Variants in AFF4 observed in about 807,000 individuals in gnomAD.
AFF4 encodes ALF transcription elongation factor 4.
AFF4 carries 13 observed loss-of-function variants against 124.8 expected under a neutral mutation model. The ratio of observed to expected loss-of-function variants is 0.10; its 90% CI spans 0.07 to 0.17. AFF4 has a LOEUF of 0.17. Among genes scored for constraint, AFF4 ranks in the 10% least tolerant of loss-of-function variants. The pLI is 1.00. For synonymous variants in AFF4, 477 were observed against 496.1 expected (o/e 0.96, Z 0.51); for missense variants, 1,092 against 1,403.8 (o/e 0.78, Z 3.55).
At chr5:132,885,518 A>G (rs1343431503) in intron 18 of AFF4, among the ~76,000 whole-genome samples, 4 of 151,900 alleles carry the variant, frequency 2.6e-5, no homozygotes, top group Non-Finnish European at 4.4e-5. Flanking sequence ...CATACTATGC[A>G]CAAAGGCTGC....
At chr5:132,926,724 T>TCC (rs1391446844) in intron 5 of AFF4, 1 of 137,674 alleles carries the variant, frequency 7.3e-6, no homozygotes, top group Admixed American at 7.3e-5. Context: ...TTTTTTTTTT[T>TCC]TTCCTTCCAA....
intron 5 of AFF4, among the ~76,000 whole-genome samples, chr5:132,905,850 C>G (rs574810549): frequency 3.3e-5 from 5 of 152,072 alleles, no homozygotes; most frequent in African/African-American, 1.2e-4. Flanking sequence ...AGACAACTCA[C>G]AGAATAGGAG....
chr5:132,889,698 G>A (rs939521091), intron 13 of AFF4, among the ~76,000 whole-genome samples: 2 of 152,134 alleles, frequency 1.3e-5, no homozygotes, highest in Non-Finnish European at 2.9e-5. Flanking sequence ...AGTTCAAACA[G>A]GTTTTAAATG....
At chr5:132,942,371 TC>T (rs1012276269) in intron 1 of AFF4, among the ~76,000 whole-genome samples, 4 of 152,058 alleles carry the variant, frequency 2.6e-5, no homozygotes, top group Non-Finnish European at 5.9e-5. Flanking sequence ...GAGCTTCAAT[TC>T]CCTTGGAGAA....
chr5:132,937,564 T>C (rs57427239), intron 1 of AFF4: 3,883 of 158,252 alleles, frequency 0.025, 156 homozygotes, highest in African/African-American at 0.088. Context: ...AATCTGCCTA[T>C]TCTTTGCCCT....
At position 132,933,413 on chromosome 5, in the gene AFF4, G is replaced by A. The variant is rs572175335; in HGVS notation, c.918+734C>T. 1.8e-3 allele frequency among the ~76,000 whole-genome samples: 279 copies of A among 150,902 alleles called. 1 individual carries two copies. The highest frequency in any genetic ancestry group is 6.5e-3 in the African/African-American group (268 of 41,084). On this transcript the variant is annotated intron_variant, in intron 3 of 20. Transcript: ENST00000265343. ...ACTCCAACTCAAAAAAAAAAAAAGA[G>A]AGAGATAAAATTTGGGCCAGGCATG... is the stretch of plus-strand genomic sequence containing the variant.
intron 5 of AFF4, among the ~76,000 whole-genome samples, chr5:132,911,153 T>A (rs1760784230): frequency 6.6e-6 from 1 of 152,168 alleles, no homozygotes; most frequent in African/African-American, 2.4e-5. Context: ...GCCATCAGCA[T>A]TATAAAAATA....
In AFF4 at chr5:132,892,423, G is replaced by A. The variant is rs1760286831; in HGVS notation, c.2397-19C>T. On this transcript the variant is annotated intron_variant, in intron 12 of 20. Coordinates refer to ENST00000265343, the MANE Select transcript of AFF4 (RefSeq NM_014423.4). ...AGATGACCTGCCAAACCAAACGAAT[G>A]CCTTCATTTCTCCACACAGTAATAC... 4 of 1,601,976 alleles carry A rather than the reference G, an allele frequency of 2.5e-6. No individual in the cohort carries two copies. Among genetic ancestry groups the A allele is most frequent in the African/African-American group, 2.7e-5 (2 of 74,430 alleles).
Position 132,934,350 on chromosome 5 carries a change from G to C in AFF4, c.715C>G (p.Pro239Ala), listed in dbSNP as rs1340686675. ...SSGQHSTQSF[P>A]PSLMSKSNSM... ...TTGGACTTTGACATCAATGAGGGTGGGAAAGATTGAGTTGAGTGCTGCCCA... is the reference window on the plus strand; with the variant it reads ...TTGGACTTTGACATCAATGAGGGTGCGAAAGATTGAGTTGAGTGCTGCCCA... Residue 239 changes from proline (P) to alanine (A), a missense_variant, in exon 3 of 21, where the codon CCA becomes GCA. Physicochemically the swap from Pro to Ala is conservative, Grantham distance 27 (BLOSUM62 -1). Transcript: ENST00000265343. 6.2e-7 allele frequency: 1 copy of C among 1,614,126 alleles called. No individual in the cohort carries two copies. Among genetic ancestry groups the C allele is most frequent in the Admixed American group, 1.7e-5 (1 of 60,010 alleles).
intron 7 of AFF4, among the ~76,000 whole-genome samples, chr5:132,901,676 T>C (rs1760555157): frequency 6.6e-6 from 1 of 152,252 alleles, no homozygotes; most frequent in Admixed American, 6.5e-5. Flanking sequence ...ACAAACTATG[T>C]ATGTTACTTA....
chr5:132,886,245 G>A (rs1760116245), intron 18 of AFF4, 65 bp downstream of exon 18: 1 of 1,408,484 alleles, frequency 7.1e-7, no homozygotes, highest in Non-Finnish European at 9.9e-7. Flanking sequence ...GCAGTTCTCA[G>A]ATGGGGATGG....
chr5:132,900,508 C>T (rs750212985), intron 7 of AFF4, among the ~76,000 whole-genome samples: 24 of 151,902 alleles, frequency 1.6e-4, no homozygotes, highest in Non-Finnish European at 3.2e-4. Flanking sequence ...TGCAGTGAGC[C>T]GACATCCCAT....
At chr5:132,939,530 C>T (rs953331226) in intron 1 of AFF4, among the ~76,000 whole-genome samples, 6 of 152,346 alleles carry the variant, frequency 3.9e-5, no homozygotes, top group Admixed American at 3.9e-4. Flanking sequence ...TGCCAACATA[C>T]AAAGTTATTT....
intron 6 of AFF4, among the ~76,000 whole-genome samples, chr5:132,903,137 A>C (rs953067508): frequency 1.3e-5 from 2 of 152,210 alleles, no homozygotes; most frequent in African/African-American, 4.8e-5. Context: ...AAACAAGCTG[A>C]GAAAAAAAAG....
In AFF4 at chr5:132,896,924, T is replaced by A. The variant is rs1760418877; in HGVS notation, c.1706A>T (p.Lys569Met). 2 of 1,614,026 alleles carry A rather than the reference T, an allele frequency of 1.2e-6. No homozygotes were observed. Among genetic ancestry groups the A allele is most frequent in the Non-Finnish European group, 8.5e-7 (1 of 1,180,016 alleles). Residue 569 changes from lysine to methionine, a missense_variant, in exon 11 of 21, where the codon AAG (lysine) becomes ATG (methionine). Physicochemically the swap from Lys to Met is moderately conservative, Grantham distance 95 (BLOSUM62 -1). Around this residue, in one of 11 missense-constraint regions of AFF4, gnomAD observed 174 missense variants for 205.9 expected, o/e 0.84. Transcript: ENST00000265343. Reference protein sequence around the residue: ...RRTVGKKQPKKAEKAAAEEPR... With the variant: ...RRTVGKKQPKMAEKAAAEEPR... ...CTCTTCAGCAGCTGCCTTCTCAGCC[T>A]TTTTGGGTTGTTTTTTGCCTACAGT...
intron 6 of AFF4, among the ~76,000 whole-genome samples, chr5:132,902,969 T>C (rs1760587581): frequency 6.6e-6 from 1 of 152,200 alleles, no homozygotes; most frequent in Non-Finnish European, 1.5e-5. Flanking sequence ...AACAATGAGC[T>C]AGAGCTTTAT....
At chr5:132,910,081 T>C (rs1760758747) in intron 5 of AFF4, among the ~76,000 whole-genome samples, 1 of 152,220 alleles carries the variant, frequency 6.6e-6, no homozygotes, top group Non-Finnish European at 1.5e-5. Context: ...AAATGTTTGG[T>C]ACAGGCAAAA....
chr5:132,950,729 C>T (rs991317547), intron 1 of AFF4, among the ~76,000 whole-genome samples: 2 of 152,100 alleles, frequency 1.3e-5, no homozygotes, highest in African/African-American at 2.4e-5. Context: ...AAACTATCAG[C>T]GTCTACATCT....
At position 132,920,355 on chromosome 5, in the gene AFF4, CAT is replaced by C. The variant is rs1491281052; in HGVS notation, c.1050+6764_1050+6765del. Among the ~76,000 whole-genome samples, 7 of 123,456 alleles carry C rather than the reference CAT, an allele frequency of 5.7e-5. No homozygotes were observed. The East Asian group carries it at 2.2e-3, about 39-fold the overall frequency. 81.0% of individuals were successfully genotyped at this position (123,456 alleles called of 152,430 possible). ...GTGAGCCACCAGCCCAGCGGGCAAA[CAT>C]TTTTTTTTTTTTTTTTTGAGACAAG... is the stretch of plus-strand genomic sequence containing the variant. On this transcript the variant is annotated intron_variant, in intron 5 of 20. Coordinates refer to ENST00000265343, the MANE Select transcript of AFF4 (RefSeq NM_014423.4).
Sources: gnomAD v4.1 joint callset for allele counts (sites outside exome capture counted in the v4.1 genomes callset) on GRCh38, gnomAD v4.1.1 for gene constraint, gnomAD v4.1.1 regional missense constraint, MANE v1.5 for transcripts, NCBI Gene and HGNC (gene_info 2026-07-23, HGNC 2026-07-21) for gene names.